The following DHX35 variants were observed in gnomAD, a reference collection of about 807,000 sequenced individuals.
The protein encoded by DHX35 is probable ATP-dependent RNA helicase DHX35.
A neutral mutation model predicts 99.6 loss-of-function variants in DHX35; 84 were observed. The ratio of observed to expected loss-of-function variants is 0.84; its 90% confidence interval spans 0.71 to 1.01. The LOEUF is 1.01. DHX35 is among the 50% of genes least tolerant of loss of function. The pLI, the probability that DHX35 is intolerant of heterozygous loss-of-function variation, is 0.00. For missense variants in DHX35, 852 were observed against 888.5 expected, an observed-to-expected ratio of 0.96 and a Z score of 0.52; for synonymous variants, 331 against 316.2, an observed-to-expected ratio of 1.05 and a Z score of -0.50.
intron 12 of DHX35, among the ~76,000 whole-genome samples, chr20:39,006,929 G>T (rs1291589450): frequency 1.3e-5 from 2 of 152,228 alleles, no homozygotes; most frequent in Non-Finnish European, 2.9e-5. Flanking sequence ...TTTCTATCCA[G>T]CTTGAAGACA....
chr20:39,017,008 A>G (rs961258174), intron 14 of DHX35, among the ~76,000 whole-genome samples: 2 of 149,140 alleles, frequency 1.3e-5, no homozygotes, highest in East Asian at 2.0e-4. Flanking sequence ...CTTTTTACTT[A>G]TTAGTATTGT....
chr20:39,008,906 C>T (rs935425036), intron 12 of DHX35, among the ~76,000 whole-genome samples: 1 of 152,182 alleles, frequency 6.6e-6, no homozygotes, highest in Admixed American at 6.5e-5. Context: ...TTCCTCCTTC[C>T]CTGAGCCTCC....
At chr20:38,996,459 A>T (rs1029725512) in intron 8 of DHX35, among the ~76,000 whole-genome samples, 1 of 152,180 alleles carries the variant, frequency 6.6e-6, no homozygotes. Context: ...GCCAGAGAGG[A>T]TGAACTCCAT....
At position 38,967,145 on chromosome 20, in the gene DHX35, G is replaced by A. The variant is rs369938370; in HGVS notation, c.41-1936G>A. On this transcript the variant is annotated intron_variant, in intron 1 of 21. Coordinates refer to ENST00000252011, the MANE Select transcript of DHX35 (RefSeq NM_021931.4). The stretch of plus-strand genomic sequence containing the variant: ...CTCTAGGGGGTCTACGGACCCCCCC[G>A]AATTTTATATTCTGGTAAATTCTGG... Among the ~76,000 whole-genome samples, 917 of 150,286 alleles carry A rather than the reference G, an allele frequency of 6.1e-3. 12 individuals carry two copies. The highest frequency in any genetic ancestry group is 0.02 in the African/African-American group (802 of 40,768).
intron 2 of DHX35, 38 bp downstream of exon 2, chr20:38,969,252 T>G (rs769094060): frequency 1.9e-6 from 3 of 1,581,008 alleles, no homozygotes; most frequent in South Asian, 2.3e-5. Flanking sequence ...TGGGCTTGAA[T>G]CGTGTGTCTG....
intron 6 of DHX35, 81 bp from the exon 7 acceptor site, chr20:38,992,275 C>A (rs560128107): frequency 2.4e-4 from 288 of 1,186,666 alleles, no homozygotes; most frequent in Non-Finnish European, 2.7e-5. Flanking sequence ...GGACTAAATA[C>A]CCAGAAGCTC....
At chr20:39,007,822 G>A (rs544650804) in intron 12 of DHX35, among the ~76,000 whole-genome samples, 2 of 152,238 alleles carry the variant, frequency 1.3e-5, no homozygotes, top group Non-Finnish European at 2.9e-5. Flanking sequence ...GAGTGGAAAA[G>A]GGAGAGCCAG....
rs1568714388 is a variant in DHX35, at chr20:38,971,994, G to GTTT, written c.175-563_175-561dup. The stretch of plus-strand genomic sequence containing the variant: ...ATGTCTATAATTTCTTGTTTTTTTT[G>GTTT]TTTTGTTTTGTTTTTTTTTTTTTTT... On this transcript the variant is annotated intron_variant, in intron 2 of 21. Coordinates refer to ENST00000252011, the MANE Select transcript of DHX35 (RefSeq NM_021931.4). Among the ~76,000 whole-genome samples the GTTT allele has an allele frequency of 3.7e-4, 41 of 112,052 alleles. 1 individual carries two copies. Among genetic ancestry groups the GTTT allele is most frequent in the Non-Finnish European group, 6.1e-4 (32 of 52,798 alleles). The allele number at this position is 112,052 out of a possible 152,430, so 73.5% of individuals were successfully genotyped here. A position where few individuals can be genotyped will look rare whatever the true frequency, so the allele number is the denominator to read the frequency against.
chr20:38,985,262 C>T (rs1191219499), intron 4 of DHX35, among the ~76,000 whole-genome samples: 1 of 151,662 alleles, frequency 6.6e-6, no homozygotes, highest in African/African-American at 2.4e-5. Context: ...CTGGCACCTG[C>T]CTGTGGTCCC....
intron 3 of DHX35, among the ~76,000 whole-genome samples, chr20:38,983,077 C>T (rs1376218249): frequency 6.6e-6 from 1 of 152,090 alleles, no homozygotes; most frequent in East Asian, 1.9e-4. Context: ...AGGCATGTGC[C>T]ACCACACCCA....
At chr20:39,000,937 GCTT>G (rs1469535267) in intron 8 of DHX35, among the ~76,000 whole-genome samples, 1 of 152,112 alleles carries the variant, frequency 6.6e-6, no homozygotes, top group Non-Finnish European at 1.5e-5. Context: ...CTCAGTCTCA[GCTT>G]CTCTTTGTAC....
chr20:39,029,204 A>G (rs995778113), intron 19 of DHX35: 2 of 152,136 alleles, frequency 1.3e-5, no homozygotes, highest in East Asian at 1.9e-4. Flanking sequence ...GTAGCCTCCT[A>G]AAAGTGTAGC....
At chr20:38,988,070 C>G (rs1002062887) in intron 4 of DHX35, among the ~76,000 whole-genome samples, 1 of 152,106 alleles carries the variant, frequency 6.6e-6, no homozygotes, top group Non-Finnish European at 1.5e-5. Flanking sequence ...GGTTAGTGTG[C>G]CCTTTGTTTA....
intron 16 of DHX35, 57 bp downstream of exon 16, chr20:39,021,992 G>A (rs971368069): frequency 2.2e-5 from 34 of 1,562,766 alleles, no homozygotes; most frequent in East Asian, 6.7e-5. Context: ...TTGAGCTTTC[G>A]TTGTCAAAAC....
chr20:38,989,548 A>G (rs753036883), intron 5 of DHX35, among the ~76,000 whole-genome samples: 1 of 152,114 alleles, frequency 6.6e-6, no homozygotes, highest in Non-Finnish European at 1.5e-5. Context: ...TTATATGCCA[A>G]TCAGTGATAG....
intron 18 of DHX35, among the ~76,000 whole-genome samples, chr20:39,027,786 A>C (rs928360850): frequency 6.6e-6 from 1 of 152,260 alleles, no homozygotes; most frequent in South Asian, 2.1e-4. Flanking sequence ...GCGAGTCTTA[A>C]AATTGATGAG....
At chr20:39,005,004 C>G (rs1485581793) in intron 11 of DHX35, among the ~76,000 whole-genome samples, 1 of 152,152 alleles carries the variant, frequency 6.6e-6, no homozygotes, top group Non-Finnish European at 1.5e-5. Flanking sequence ...GGACAACTGA[C>G]TTAACCTCGA....
intron 14 of DHX35, 128 bp downstream of exon 14, chr20:39,015,062 C>G: frequency 9.6e-7 from 1 of 1,038,670 alleles, no homozygotes; most frequent in Non-Finnish European, 1.5e-6. Context: ...ATATATAATC[C>G]CCCTAATGAT....
At chr20:39,014,267 G>A (rs1047727902) in intron 13 of DHX35, among the ~76,000 whole-genome samples, 29 of 152,180 alleles carry the variant, frequency 1.9e-4, no homozygotes, top group African/African-American at 7.0e-4. Context: ...GTCAAGATTT[G>A]TAGAAGGAAA....
Sources: gnomAD v4.1 joint callset for allele counts (sites outside exome capture counted in the v4.1 genomes callset) on GRCh38, gnomAD v4.1.1 for gene constraint, MANE v1.5 for transcripts, NCBI Gene and HGNC (gene_info 2026-07-23, HGNC 2026-07-21) for gene names.